KCNN2: variants seen among roughly 807,000 people sequenced by gnomAD.
KCNN2 encodes the protein small conductance calcium-activated potassium channel protein 2.
A neutral mutation model predicts 55.5 loss-of-function variants in KCNN2; 24 were observed. That is an observed-to-expected ratio of 0.43 (90% confidence interval 0.31 to 0.61). KCNN2 has a LOEUF of 0.61. Ranked by LOEUF, KCNN2 falls within the 20% of genes least tolerant of loss-of-function variation. The probability of loss-of-function intolerance (pLI) is 0.08; values close to 1 mark genes in which losing one functional copy is unlikely to be tolerated. For synonymous variants in KCNN2, 431 were observed against 336.1 expected, an observed-to-expected ratio of 1.28 and a Z score of -3.09; for missense variants, 754 against 853.6, an observed-to-expected ratio of 0.88 and a Z score of 1.45.
chr5:114,294,620 G>T (rs1444847153), intron 2 of KCNN2, among the ~76,000 whole-genome samples: 1 of 152,122 alleles, frequency 6.6e-6, no homozygotes, highest in Non-Finnish European at 1.5e-5. Context: ...CAACTATGTG[G>T]TCAGTTTTGG....
At chr5:114,113,857 G>C (rs1350817011) in intron 1 of KCNN2, among the ~76,000 whole-genome samples, 1 of 152,090 alleles carries the variant, frequency 6.6e-6, no homozygotes, top group Non-Finnish European at 1.5e-5. Context: ...TTGCTCAGGA[G>C]TTTCTGGTTT....
intron 1 of KCNN2, among the ~76,000 whole-genome samples, chr5:114,109,156 T>C (rs1751544991): frequency 6.6e-6 from 1 of 152,042 alleles, no homozygotes; most frequent in South Asian, 2.1e-4. Flanking sequence ...TTGTAGTCAT[T>C]AGCAGGATTC....
chr5:114,179,677 T>G (rs1753203293), intron 1 of KCNN2, among the ~76,000 whole-genome samples: 1 of 152,306 alleles, frequency 6.6e-6, no homozygotes, highest in East Asian at 1.9e-4. Context: ...TGGTTTATTT[T>G]TACCTCTCCA....
intron 3 of KCNN2, among the ~76,000 whole-genome samples, chr5:114,454,010 T>G (rs1201870667): frequency 6.6e-6 from 1 of 152,106 alleles, no homozygotes; most frequent in Non-Finnish European, 1.5e-5. Flanking sequence ...TATGTGATGT[T>G]CCCTGCCCTG....
intron 3 of KCNN2, among the ~76,000 whole-genome samples, chr5:114,428,284 TAGAA>T (rs1202426429): frequency 1.3e-5 from 2 of 152,150 alleles, no homozygotes; most frequent in Admixed American, 6.5e-5. Context: ...TAATAACAAA[TAGAA>T]AGAATAAAAA....
chr5:114,180,671 G>T (rs577179071), intron 1 of KCNN2, among the ~76,000 whole-genome samples: 1 of 152,168 alleles, frequency 6.6e-6, no homozygotes, highest in South Asian at 2.1e-4. Context: ...TGCTTTATGA[G>T]CTTTGTAGAT....
intron 1 of KCNN2, among the ~76,000 whole-genome samples, chr5:114,106,718 A>G (rs1020787825): frequency 6.9e-6 from 1 of 144,922 alleles, no homozygotes; most frequent in Non-Finnish European, 1.5e-5. Context: ...ACTTTTACTC[A>G]TTTAAAAATT....
At chr5:114,283,919 C>G (rs187799269) in intron 2 of KCNN2, among the ~76,000 whole-genome samples, 1 of 152,132 alleles carries the variant, frequency 6.6e-6, no homozygotes, top group African/African-American at 2.4e-5. Context: ...CTGACTTGTC[C>G]TTCCAGCTCC....
chr5:114,118,207 T>A (rs1427155228), intron 1 of KCNN2, among the ~76,000 whole-genome samples: 1 of 152,136 alleles, frequency 6.6e-6, no homozygotes, highest in Non-Finnish European at 1.5e-5. Flanking sequence ...GCTGCGGTGC[T>A]CTATTGTTGA....
At chr5:114,120,530 C>T (rs1751806081) in intron 1 of KCNN2, among the ~76,000 whole-genome samples, 1 of 152,128 alleles carries the variant, frequency 6.6e-6, no homozygotes, top group African/African-American at 2.4e-5. Flanking sequence ...GAATTTGAGT[C>T]ATTTGTTCAC....
intron 2 of KCNN2, among the ~76,000 whole-genome samples, chr5:114,383,997 TCTA>T (rs1477423996): frequency 6.6e-5 from 10 of 152,246 alleles, no homozygotes; most frequent in Non-Finnish European, 1.0e-4. Context: ...TCTCATTTCA[TCTA>T]CATTGTAGTT....
chr5:114,491,974 G>A (rs1270444611), intron 6 of KCNN2, among the ~76,000 whole-genome samples: 1 of 152,094 alleles, frequency 6.6e-6, no homozygotes, highest in Non-Finnish European at 1.5e-5. Context: ...ATACATGCTT[G>A]TAAATTTTAG....
At chr5:114,122,040 G>C (rs1317200580) in intron 1 of KCNN2, among the ~76,000 whole-genome samples, 1 of 152,218 alleles carries the variant, frequency 6.6e-6, no homozygotes, top group Admixed American at 6.5e-5. Flanking sequence ...TGCATCCTCT[G>C]AGTGAGACTT....
At chr5:114,459,184 C>G (rs1166815399) in intron 3 of KCNN2, among the ~76,000 whole-genome samples, 1 of 152,190 alleles carries the variant, frequency 6.6e-6, no homozygotes, top group Non-Finnish European at 1.5e-5. Flanking sequence ...ATCTTACAGT[C>G]TTTGTCTCTG....
At chr5:114,325,855 T>G (rs13173571) in intron 2 of KCNN2, among the ~76,000 whole-genome samples, 45,919 of 151,988 alleles carry the variant, frequency 0.3, 7,240 homozygotes, top group Non-Finnish European at 0.35. Flanking sequence ...TAGAGTAAAT[T>G]TCCAGGAGTA....
At position 114,374,539 on chromosome 5, in the gene KCNN2, T is replaced by A. The variant is rs553439546; in HGVS notation, c.1218+10538T>A. On this transcript the variant is annotated intron_variant, in intron 2 of 7. Transcript: ENST00000673685. ...GTGGTCTGAAAGAACTGGGAAGAAT[T>A]TCTGTGTGTAAATATGACAAGTAAC... Among the ~76,000 whole-genome samples, 42 of 152,292 alleles carry A rather than the reference T, an allele frequency of 2.8e-4. No homozygotes were observed. In the East Asian group the frequency reaches 8.1e-3, roughly 29 times the overall value.
intron 2 of KCNN2, among the ~76,000 whole-genome samples, chr5:114,390,238 T>C (rs1758414908): frequency 6.6e-6 from 1 of 152,192 alleles, no homozygotes; most frequent in South Asian, 2.1e-4. Context: ...ATTTCATGGT[T>C]TGAGGCCTTA....
intron 3 of KCNN2, among the ~76,000 whole-genome samples, chr5:114,436,145 T>C (rs934090234): frequency 1.3e-5 from 2 of 152,222 alleles, no homozygotes; most frequent in African/African-American, 4.8e-5. Flanking sequence ...ACCCTGTAGG[T>C]CATCATCACC....
intron 3 of KCNN2, among the ~76,000 whole-genome samples, chr5:114,415,234 G>C (rs1346081281): frequency 6.6e-6 from 1 of 152,170 alleles, no homozygotes; most frequent in Non-Finnish European, 1.5e-5. Flanking sequence ...TCTACATTTA[G>C]TTTGTTTTCT....
Sources: allele counts gnomAD v4.1 joint callset (sites outside exome capture counted in the v4.1 genomes callset), GRCh38; gene constraint gnomAD v4.1.1; transcripts MANE v1.5; gene names NCBI Gene and HGNC (gene_info 2026-07-23, HGNC 2026-07-21).